The following SH3TC2 variants were observed in gnomAD, a reference collection of about 807,000 sequenced individuals.
SH3TC2 encodes the protein SH3 domain and tetratricopeptide repeats 2, also known as SH3 domain and tetratricopeptide repeat-containing protein 2.
SH3TC2 carries 87 observed loss-of-function variants against 124.5 expected under a neutral mutation model. That is an observed-to-expected ratio of 0.70 (90% CI 0.59 to 0.84). The LOEUF (loss-of-function observed/expected upper bound fraction) is 0.84, where lower values mean the gene tolerates loss of function less well. Ranked by LOEUF, SH3TC2 falls within the 40% of genes least tolerant of loss-of-function variation. The pLI is 0.00. For synonymous variants in SH3TC2, 634 were observed against 628.5 expected (o/e 1.01, Z -0.13); for missense variants, 1,536 against 1,566.4 (o/e 0.98, Z 0.33).
Position 148,996,870 on chromosome 5 carries a change from G to A in SH3TC2, c.*7841C>T, listed in dbSNP as rs1233219560. Among the ~76,000 whole-genome samples, 1 of 152,120 alleles carries A rather than the reference G, an allele frequency of 6.6e-6. No homozygotes were observed. The highest frequency in any genetic ancestry group is 6.5e-5 in the Admixed American group (1 of 15,270). ...GGTTAAAATAAAAGACAGAAGCGAG[G>A]TATCTATTTTCAAAATCCTTTTCAT... On this transcript the variant is annotated 3_prime_UTR_variant, in exon 17 of 17. Coordinates refer to ENST00000515425, the MANE Select transcript of SH3TC2 (RefSeq NM_024577.4).
At chr5:149,004,965 G>GCACA in intron 16 of SH3TC2, 63 bp from the exon 17 acceptor site, 1 of 1,584,356 alleles carries the variant, frequency 6.3e-7, no homozygotes, top group Non-Finnish European at 8.7e-7. Flanking sequence ...GGACAGGCTA[G>GCACA]GAGGCTGTGC....
chr5:149,022,837 G>A (rs902169894), intron 12 of SH3TC2, among the ~76,000 whole-genome samples: 3 of 152,138 alleles, frequency 2.0e-5, no homozygotes, highest in African/African-American at 4.8e-5. Flanking sequence ...TCCAGAATAG[G>A]CAAATCCATA....
In SH3TC2 at chr5:148,994,608, T is replaced by G. The variant is rs754724940; in HGVS notation, c.*10103A>C. 1.9e-5 allele frequency among the ~76,000 whole-genome samples: 1 copy of G among 52,508 alleles called. No homozygotes were observed. Among genetic ancestry groups the G allele is most frequent in the Non-Finnish European group, 3.4e-5 (1 of 29,288 alleles). The allele number at this position is 52,508 out of a possible 152,430, so 34.4% of individuals were successfully genotyped here. A position where few individuals can be genotyped will look rare whatever the true frequency, so the allele number is the denominator to read the frequency against. Reference sequence around the variant, plus strand: ...GGTGGTTGGGTGGTTAGATGGTTGGTTGGTTGGTTGGTTGGTTGGTTGGTT... The same window carrying G: ...GGTGGTTGGGTGGTTAGATGGTTGGGTGGTTGGTTGGTTGGTTGGTTGGTT... On this transcript the variant is annotated 3_prime_UTR_variant, in exon 17 of 17. Coordinates refer to ENST00000515425, the MANE Select transcript of SH3TC2 (RefSeq NM_024577.4).
intron 1 of SH3TC2, among the ~76,000 whole-genome samples, chr5:149,061,332 T>G (rs1396622245): frequency 6.6e-6 from 1 of 152,202 alleles, no homozygotes; most frequent in Admixed American, 6.5e-5. Flanking sequence ...TAGGTAGGAA[T>G]GAGGGAACAT....
rs73795728 is a variant in SH3TC2, at chr5:148,984,612, A to T, written c.*20099T>A. Among the ~76,000 whole-genome samples, 2 of 152,144 alleles carry T rather than the reference A, an allele frequency of 1.3e-5. No individual in the cohort carries two copies. The highest frequency in any genetic ancestry group is 4.8e-5 in the African/African-American group (2 of 41,430). On this transcript the variant is annotated 3_prime_UTR_variant, in exon 17 of 17. Transcript: ENST00000515425. ...CACTCTGGACTAGGCAATGCTTCATATATCTCCAAGGTTGGTCTTTCAGGT... is the reference window on the plus strand; with the variant it reads ...CACTCTGGACTAGGCAATGCTTCATTTATCTCCAAGGTTGGTCTTTCAGGT...
Position 148,988,993 on chromosome 5 carries a change from A to G in SH3TC2, c.*15718T>C, listed in dbSNP as rs1338773750. On this transcript the variant is annotated 3_prime_UTR_variant, in exon 17 of 17. Transcript: ENST00000515425. Reference sequence around the variant, plus strand: ...TAGTTGTGCCCTACTGAGCCCAGACATGAAGGAAATAAAAAAACAACCACC... The same window carrying G: ...TAGTTGTGCCCTACTGAGCCCAGACGTGAAGGAAATAAAAAAACAACCACC... 6.6e-6 allele frequency among the ~76,000 whole-genome samples: 1 copy of G among 152,228 alleles called. No individual in the cohort carries two copies. Among genetic ancestry groups the G allele is most frequent in the Non-Finnish European group, 1.5e-5 (1 of 68,038 alleles).
intron 2 of SH3TC2, among the ~76,000 whole-genome samples, chr5:149,051,303 C>T (rs993985953): frequency 6.6e-6 from 1 of 152,216 alleles, no homozygotes; most frequent in Non-Finnish European, 1.5e-5. Flanking sequence ...TGCCCTTCTG[C>T]TCAAGCCAAT....
chr5:149,040,658 G>C lies in SH3TC2; in HGVS notation c.751C>G (p.Pro251Ala). The C allele has an allele frequency of 1.2e-6, 2 of 1,614,132 alleles. No homozygotes were observed. Among genetic ancestry groups the C allele is most frequent in the South Asian group, 1.1e-5 (1 of 91,080 alleles). Residue 251 changes from proline (P) to alanine (A), a missense_variant, in exon 7 of 17, where the codon CCA (proline) becomes GCA (alanine). Around this residue, in one of 3 missense-constraint regions of SH3TC2, gnomAD observed 1,102 missense variants for 1,098.6 expected, o/e 1.00. Coordinates refer to ENST00000515425, the MANE Select transcript of SH3TC2 (RefSeq NM_024577.4). ...PFHQWFLKNY[P>A]GSCGLSRKRD... is the part of the protein sequence containing the mutation. ...TTCCTGGAAAGGCCACAGCTTCCTG[G>C]ATAATTCTTTAGGAACCACCTGCCA... is the stretch of plus-strand genomic sequence containing the variant.
chr5:149,010,412 C>T lies in SH3TC2; in HGVS notation c.3205-20G>A, dbSNP rs752762497. On this transcript the variant is annotated intron_variant, in intron 13 of 16. Coordinates refer to ENST00000515425, the MANE Select transcript of SH3TC2 (RefSeq NM_024577.4). Reference sequence around the variant, plus strand: ...GGCTGCCTAGGTGGGACAGAGACAGCTGTTAAAGGCAGAGAGGAGGGCTTC... The same window carrying T: ...GGCTGCCTAGGTGGGACAGAGACAGTTGTTAAAGGCAGAGAGGAGGGCTTC... 2.5e-6 allele frequency: 4 copies of T among 1,613,272 alleles called. No homozygotes were observed. The highest frequency in any genetic ancestry group is 3.4e-6 in the Non-Finnish European group (4 of 1,179,948).
At chr5:149,021,203 A>G (rs2127395396) in intron 12 of SH3TC2, among the ~76,000 whole-genome samples, 1 of 152,334 alleles carries the variant, frequency 6.6e-6, no homozygotes, top group African/African-American at 2.4e-5. Flanking sequence ...CTGAGTAAGA[A>G]TCACAAAGGA....
intron 12 of SH3TC2, among the ~76,000 whole-genome samples, chr5:149,022,007 G>A (rs1474885369): frequency 2.8e-4 from 10 of 36,046 alleles, no homozygotes; most frequent in South Asian, 2.0e-3. Context: ...TCCGCCTCCC[G>A]GGTTCACGCC....
At chr5:149,014,492 AACT>A in intron 12 of SH3TC2, among the ~76,000 whole-genome samples, 1 of 152,306 alleles carries the variant, frequency 6.6e-6, no homozygotes, top group East Asian at 1.9e-4. Context: ...CATTGCTCTC[AACT>A]CCTAAGGCCC....
At chr5:149,009,507 G>T (rs571744208) in intron 14 of SH3TC2, among the ~76,000 whole-genome samples, 64 of 152,292 alleles carry the variant, frequency 4.2e-4, no homozygotes, top group African/African-American at 1.4e-3. Context: ...AGTCAGAGAC[G>T]CGTTCCCTGT....
At position 149,008,870 on chromosome 5, in the gene SH3TC2, G is replaced by C. The variant is rs1030348232; in HGVS notation, c.3459C>G (p.Ala1153=). The change falls in exon 15 of 17, where the codon GCC becomes GCG. Residue 1153 remains alanine (A), a synonymous_variant. Transcript: ENST00000515425. ...ACCCACCTGTGACTGTGCTGAGCCT[G>C]GCGGCCAGGGTGGCAAATTCCAAAG... The part of the protein sequence containing the change: ...EKALEFATLA[A]RLSTVTGDQR... 20 of 1,614,070 alleles carry C rather than the reference G, an allele frequency of 1.2e-5. No individual in the cohort carries two copies. Among genetic ancestry groups the C allele is most frequent in the African/African-American group, 1.1e-4 (8 of 74,926 alleles).
At position 149,026,750 on chromosome 5, in the gene SH3TC2, G is replaced by A; in HGVS notation, c.2875C>T (p.Gln959Ter). The A allele has an allele frequency of 6.2e-7, 1 of 1,614,200 alleles. No homozygotes were observed. The highest frequency in any genetic ancestry group is 1.3e-5 in the African/African-American group (1 of 75,058). Residue 959 changes from glutamine (Q) to a stop codon, truncating the protein, a stop_gained and splice_region_variant, in exon 12 of 17, where the codon CAG becomes TAG. Coordinates refer to ENST00000515425, the MANE Select transcript of SH3TC2 (RefSeq NM_024577.4). LOFTEE classifies it high-confidence loss of function. The part of the protein sequence containing the change: ...FGLRHRHLKS[Q>*]LQATKSLCHF... ...CAGAGGGATTTGGTGGCCTGAAGCT[G>A]ACCTGAACACAAAGCAGGGACATGA...
Position 148,996,062 on chromosome 5 carries a change from T to C in SH3TC2, c.*8649A>G, listed in dbSNP as rs914913642. Among the ~76,000 whole-genome samples, 25 of 149,622 alleles carry C rather than the reference T, an allele frequency of 1.7e-4. No homozygotes were observed. The highest frequency in any genetic ancestry group is 3.0e-4 in the Non-Finnish European group (20 of 67,562). On this transcript the variant is annotated 3_prime_UTR_variant, in exon 17 of 17. Transcript: ENST00000515425. ...TTTGAGACTAGCATGGGCAACATGGTGGAAACCCATCTCTACAAAAACTAC... is the reference window on the plus strand; with the variant it reads ...TTTGAGACTAGCATGGGCAACATGGCGGAAACCCATCTCTACAAAAACTAC...
rs556908612 is a variant in SH3TC2 at position 149,028,632 on chromosome 5, C to A, written c.1177+45G>T. ...CGCTCTTGGCAAGAGGACAGAAGTG[C>A]TGTCCTCAAGGATGAATGTCAGGTT... On this transcript the variant is annotated intron_variant, in intron 10 of 16. Transcript: ENST00000515425. 21 of 1,614,188 alleles carry A rather than the reference C, an allele frequency of 1.3e-5. 1 individual carries two copies. The South Asian group carries it at 2.3e-4, about 18-fold the overall frequency.
chr5:149,021,872 C>G (rs1753976511), intron 12 of SH3TC2, among the ~76,000 whole-genome samples: 1 of 66,094 alleles, frequency 1.5e-5, no homozygotes, highest in African/African-American at 9.1e-5. Flanking sequence ...ACCAATCCTT[C>G]ACAAACTCTT....
chr5:149,027,210 A>T lies in SH3TC2; in HGVS notation c.2522T>A (p.Leu841His), dbSNP rs778741694. ...SLTQRGVIYN[L>H]LGLALQGEGR... is the part of the protein sequence containing the mutation. ...TTCACCTTGGAGTGCAAGTCCCAGG[A>T]GGTTATAGATGACTCCCCTTTGAGT... The change falls in exon 11 of 17, where the codon CTC becomes CAC. Residue 841 changes from leucine (L) to histidine (H), a missense_variant. Coordinates refer to ENST00000515425, the MANE Select transcript of SH3TC2 (RefSeq NM_024577.4). 6.2e-7 allele frequency: 1 copy of T among 1,614,154 alleles called. No homozygotes were observed. Among genetic ancestry groups the T allele is most frequent in the Non-Finnish European group, 8.5e-7 (1 of 1,180,042 alleles).
Sources: allele counts gnomAD v4.1 joint callset (sites outside exome capture counted in the v4.1 genomes callset), GRCh38; gene constraint gnomAD v4.1.1; regional missense constraint gnomAD v4.1.1; transcripts MANE v1.5; gene names NCBI Gene and HGNC (gene_info 2026-07-23, HGNC 2026-07-21).